The following PSMD7 variants were observed in gnomAD, a reference collection of about 807,000 sequenced individuals.
PSMD7 encodes the protein proteasome 26S subunit, non-ATPase 7, also known as 26S proteasome non-ATPase regulatory subunit 7.
A neutral mutation model predicts 36.4 loss-of-function variants in PSMD7; 13 were observed. That is an observed-to-expected ratio of 0.36 (90% CI 0.23 to 0.57). PSMD7 has a LOEUF of 0.57. Ranked by LOEUF, PSMD7 falls within the 20% of genes least tolerant of loss-of-function variation. The pLI, the probability that PSMD7 is intolerant of heterozygous loss-of-function variation, is 0.83. For synonymous variants in PSMD7, 186 were observed against 151.0 expected, an observed-to-expected ratio of 1.23 and a Z score of -1.70; for missense variants, 298 against 393.6, an observed-to-expected ratio of 0.76 and a Z score of 2.06.
chr16:74,301,220 T>A, intron 3 of PSMD7, 76 bp downstream of exon 3: 1 of 972,306 alleles, frequency 1.0e-6, no homozygotes, highest in Non-Finnish European at 1.6e-6. Flanking sequence ...CGCTTTTCTT[T>A]AACATCAAGG....
chr16:74,302,184 G>A (rs1387671947), intron 4 of PSMD7, 28 bp from the exon 5 acceptor site: 4 of 1,594,126 alleles, frequency 2.5e-6, no homozygotes, highest in Non-Finnish European at 3.4e-6. Context: ...GGCGTGAGAT[G>A]ACTTGCTAAG....
rs372447684 is a variant in PSMD7 at position 74,296,864 on chromosome 16, C to A, written c.-51C>A. 2.5e-6 allele frequency: 4 copies of A among 1,594,854 alleles called. No individual in the cohort carries two copies. In the African/African-American group the frequency reaches 4.0e-5, roughly 16 times the overall value. ...GGGTACCGGTGACCGCTACTGCTGC[C>A]GGTGTTTGCGTGTGGCAGGGAGCCA... On this transcript the variant is annotated 5_prime_UTR_variant, in exon 1 of 7. Coordinates refer to ENST00000219313, the MANE Select transcript of PSMD7 (RefSeq NM_002811.5).
intron 4 of PSMD7, 129 bp from the exon 5 acceptor site, chr16:74,302,083 T>C (rs548873092): frequency 1.3e-6 from 1 of 758,852 alleles, no homozygotes; most frequent in African/African-American, 1.7e-5. Flanking sequence ...AAATGCATTT[T>C]TGCTGAATAT....
chr16:74,302,310 GA>G lies in PSMD7; in HGVS notation c.438+20del, dbSNP rs751487656. 23 of 1,604,844 alleles carry G rather than the reference GA, an allele frequency of 1.4e-5. No homozygotes were observed. Among genetic ancestry groups the G allele is most frequent in the Non-Finnish European group, 2.0e-5 (23 of 1,173,056 alleles). ...TCCATGATGTAAGTCATCTTGCTATGAACCTGGGAGGTTAGACTGCTACTTA... is the reference window on the plus strand; with the variant it reads ...TCCATGATGTAAGTCATCTTGCTATGACCTGGGAGGTTAGACTGCTACTTA... On this transcript the variant is annotated intron_variant, in intron 5 of 6. Coordinates refer to ENST00000219313, the MANE Select transcript of PSMD7 (RefSeq NM_002811.5).
At position 74,300,141 on chromosome 16, in the gene PSMD7, G is replaced by A. The variant is rs189793049; in HGVS notation, c.101G>A (p.Arg34His). The A allele has an allele frequency of 3.7e-6, 6 of 1,614,170 alleles. No homozygotes were observed. Among genetic ancestry groups the A allele is most frequent in the Non-Finnish European group, 4.2e-6 (5 of 1,180,032 alleles). The change falls in exon 2 of 7, where the codon CGT (arginine) becomes CAT (histidine). Residue 34 changes from arginine (R) to histidine (H), a missense_variant. Physicochemically the swap from Arg to His is conservative, Grantham distance 29 (BLOSUM62 0). Coordinates refer to ENST00000219313, the MANE Select transcript of PSMD7 (RefSeq NM_002811.5). ...ATCGGCAAGGTTGGAAACCAGAAGCGTGTTGTTGGTGTGCTTTTGGGGTCA... is the reference window on the plus strand; with the variant it reads ...ATCGGCAAGGTTGGAAACCAGAAGCATGTTGTTGGTGTGCTTTTGGGGTCA... ...NRIGKVGNQK[R>H]VVGVLLGSWQ...
intron 6 of PSMD7, chr16:74,304,850 TC>T (rs2034183049): frequency 5.9e-6 from 1 of 170,010 alleles, no homozygotes; most frequent in Non-Finnish European, 1.3e-5. Flanking sequence ...TGAGGTTCCT[TC>T]TAGTTCTAAA....
chr16:74,298,008 C>T (rs1371256621), intron 1 of PSMD7, among the ~76,000 whole-genome samples: 1 of 151,656 alleles, frequency 6.6e-6, no homozygotes, highest in Non-Finnish European at 1.5e-5. Flanking sequence ...ATTTAAAACA[C>T]GAGGCCGAGC....
chr16:74,304,478 A>C, intron 6 of PSMD7, 84 bp downstream of exon 6: 1 of 1,258,842 alleles, frequency 7.9e-7, no homozygotes, highest in Non-Finnish European at 1.1e-6. Flanking sequence ...GGGAATATGG[A>C]GACCTGGGGT....
intron 1 of PSMD7, 128 bp downstream of exon 1, chr16:74,297,116 C>G (rs2034119548): frequency 1.0e-6 from 1 of 992,652 alleles, no homozygotes; most frequent in Non-Finnish European, 1.5e-6. Context: ...CTTACTTGTT[C>G]ACGAGTCCAG....
chr16:74,298,271 C>G (rs888557099), intron 1 of PSMD7, among the ~76,000 whole-genome samples: 2 of 152,076 alleles, frequency 1.3e-5, no homozygotes, highest in African/African-American at 4.8e-5. Context: ...CATCCACCAC[C>G]TCTTGGCTTT....
chr16:74,301,685 GATTT>G, intron 4 of PSMD7, 33 bp downstream of exon 4: 1 of 1,564,094 alleles, frequency 6.4e-7, no homozygotes, highest in Non-Finnish European at 8.8e-7. Flanking sequence ...ACTCTTGAAT[GATTT>G]TTTTTGCCAG....
chr16:74,299,387 CATTT>C (rs1025701130), intron 1 of PSMD7, among the ~76,000 whole-genome samples: 21 of 152,234 alleles, frequency 1.4e-4, no homozygotes, highest in African/African-American at 4.3e-4. Context: ...TCTATTCATT[CATTT>C]ATTTTGAGAC....
chr16:74,302,314 C>G (rs923386131), intron 5 of PSMD7, 22 bp downstream of exon 5: 1 of 1,600,780 alleles, frequency 6.2e-7, no homozygotes, highest in East Asian at 2.2e-5. Flanking sequence ...TGCTATGAAC[C>G]TGGGAGGTTA....
intron 1 of PSMD7, among the ~76,000 whole-genome samples, chr16:74,298,174 A>AG (rs1399009187): frequency 1.3e-5 from 2 of 151,386 alleles, no homozygotes; most frequent in Non-Finnish European, 2.9e-5. Context: ...AAAAAAAAAA[A>AG]AAGACCAGTT....
At chr16:74,301,778 AT>A in intron 4 of PSMD7, 126 bp downstream of exon 4, 1 of 718,944 alleles carries the variant, frequency 1.4e-6, no homozygotes. Context: ...ACTTCTGTTG[AT>A]TTGTAGTGCT....
rs1447940376 is a variant in PSMD7, at chr16:74,301,103, A to T, written c.218A>T (p.Asp73Val). ...GATTCTGTATGGTTTTTAGACCATG[A>T]TTATTTGGAAAACATGTATGGAATG... ...KDDSVWFLDHDYLENMYGMFK... is the reference protein window; with the variant it reads ...KDDSVWFLDHVYLENMYGMFK... The change falls in exon 3 of 7, where the codon GAT becomes GTT. Residue 73 changes from aspartate (D) to valine (V), a missense_variant. Transcript: ENST00000219313. 1 of 1,612,414 alleles carries T rather than the reference A, an allele frequency of 6.2e-7. No individual in the cohort carries two copies. The highest frequency in any genetic ancestry group is 1.3e-5 in the African/African-American group (1 of 74,848).
Position 74,305,772 on chromosome 16 carries a change from A to ATCTT in PSMD7, c.*40_*43dup, listed in dbSNP as rs1306737339. 8 of 1,410,686 alleles carry ATCTT rather than the reference A, an allele frequency of 5.7e-6. No individual in the cohort carries two copies. The highest frequency in any genetic ancestry group is 2.5e-5 in the East Asian group (1 of 39,234). 87.4% of individuals were successfully genotyped at this position (1,410,686 alleles called of 1,614,324 possible). A position where few individuals can be genotyped will look rare whatever the true frequency, so the allele number is the denominator to read the frequency against. On this transcript the variant is annotated 3_prime_UTR_variant, in exon 7 of 7. Transcript: ENST00000219313. ...TAGCTTTTTTAATTTGTAAATTAAAATCTTACAAACTAAATCAGTGTGCTG... is the reference window on the plus strand; with the variant it reads ...TAGCTTTTTTAATTTGTAAATTAAAATCTTTCTTACAAACTAAATCAGTGTGCTG...
intron 2 of PSMD7, 60 bp downstream of exon 2, chr16:74,300,266 A>G (rs1230539935): frequency 6.8e-7 from 1 of 1,463,554 alleles, no homozygotes. Context: ...ACCCTTTAAA[A>G]ATATAAACCT....
intron 1 of PSMD7, among the ~76,000 whole-genome samples, chr16:74,298,574 A>T (rs2034132173): frequency 6.6e-6 from 1 of 152,256 alleles, no homozygotes; most frequent in Non-Finnish European, 1.5e-5. Flanking sequence ...TAAGAGCACT[A>T]GCTTTCAGGC....
Sources: gnomAD v4.1 joint callset for allele counts (sites outside exome capture counted in the v4.1 genomes callset) on GRCh38, gnomAD v4.1.1 for gene constraint, MANE v1.5 for transcripts, NCBI Gene and HGNC (gene_info 2026-07-23, HGNC 2026-07-21) for gene names.